The following DAZL variants were observed in gnomAD, a reference collection of about 807,000 sequenced individuals.
The protein encoded by DAZL is deleted in azoospermia like, also known as deleted in azoospermia-like.
DAZL carries 4 observed loss-of-function variants against 45.0 expected under a neutral mutation model. That is an observed-to-expected ratio of 0.09 (90% CI 0.04 to 0.20). The LOEUF is 0.20. DAZL is among the 10% of genes least tolerant of loss of function. The probability of loss-of-function intolerance (pLI) is 1.00; values close to 1 mark genes in which losing one functional copy is unlikely to be tolerated. For synonymous variants in DAZL, 122 were observed against 112.4 expected (o/e 1.09, Z -0.54); for missense variants, 326 against 351.3 (o/e 0.93, Z 0.58).
At chr3:16,594,872 TAC>T (rs1467690657) in intron 7 of DAZL, among the ~76,000 whole-genome samples, 1 of 152,078 alleles carries the variant, frequency 6.6e-6, no homozygotes, top group African/African-American at 2.4e-5. Flanking sequence ...GGGTCACAGA[TAC>T]AGTCATATCT....
intron 10 of DAZL, among the ~76,000 whole-genome samples, chr3:16,590,900 G>T (rs991549678): frequency 7.2e-5 from 11 of 151,954 alleles, no homozygotes; most frequent in Non-Finnish European, 1.5e-4. Flanking sequence ...GTAGGGGGGT[G>T]ATTTTTGGGG....
intron 10 of DAZL, among the ~76,000 whole-genome samples, chr3:16,590,669 A>G (rs1036190371): frequency 3.3e-5 from 5 of 152,258 alleles, no homozygotes; most frequent in African/African-American, 1.2e-4. Context: ...AGAATGAATA[A>G]TAGCCACAAA....
Position 16,592,122 on chromosome 3 carries a change from C to T in DAZL, c.762G>A (p.Thr254=), listed in dbSNP as rs757627037. The T allele has an allele frequency of 5.6e-6, 9 of 1,613,358 alleles. No individual in the cohort carries two copies. The highest frequency in any genetic ancestry group is 4.0e-5 in the African/African-American group (3 of 74,856). ...QKKSVDRSIQ[T]VVSCLFNPEN... is the part of the protein sequence containing the mutation. The stretch of plus-strand genomic sequence containing the variant: ...CTGGATTAAACAGACAAGATACCAC[C>T]GTTTGTATGCTTCGGTCCACAGATT... Residue 254 remains threonine, a synonymous_variant, in exon 10 of 11, where the codon ACG becomes ACA. Coordinates refer to ENST00000399444, the MANE Select transcript of DAZL (RefSeq NM_001351.4).
At chr3:16,602,390 A>G (rs1694704159) in intron 1 of DAZL, among the ~76,000 whole-genome samples, 1 of 152,234 alleles carries the variant, frequency 6.6e-6, no homozygotes, top group Non-Finnish European at 1.5e-5. Context: ...TTCAACTTGT[A>G]AAGAAATAGA....
rs201594625 is a variant in DAZL at position 16,605,232 on chromosome 3, C to A, written c.-27G>T. On this transcript the variant is annotated 5_prime_UTR_variant, in exon 1 of 11. Coordinates refer to ENST00000399444, the MANE Select transcript of DAZL (RefSeq NM_001351.4). ...ATGGCGGCAGGCAGCAGTTCCCGAC[C>A]GGCTCCAGGAGGAGCAGAGGCTGTG... The A allele has an allele frequency of 1.2e-6, 2 of 1,614,138 alleles. No individual in the cohort carries two copies. Among genetic ancestry groups the A allele is most frequent in the African/African-American group, 2.7e-5 (2 of 75,072 alleles).
intron 2 of DAZL, 24 bp from the exon 3 acceptor site, chr3:16,598,202 A>AGAG: frequency 6.4e-7 from 1 of 1,560,228 alleles, no homozygotes; most frequent in South Asian, 1.1e-5. Context: ...TTGAACTTCA[A>AGAG]GAGTAAAAAT....
chr3:16,594,648 G>T (rs1003649268), intron 7 of DAZL, 65 bp from the exon 8 acceptor site: 11 of 1,122,648 alleles, frequency 9.8e-6, no homozygotes, highest in Non-Finnish European at 1.3e-5. Flanking sequence ...AAAAACACAC[G>T]AGATACACAA....
intron 6 of DAZL, 114 bp from the exon 7 acceptor site, chr3:16,595,499 A>G (rs1282841735): frequency 3.3e-6 from 2 of 606,502 alleles, no homozygotes; most frequent in Non-Finnish European, 5.7e-6. Context: ...TTCTATATAC[A>G]ACAATGCAGA....
At chr3:16,595,235 C>T (rs1694579962) in intron 7 of DAZL, 79 bp downstream of exon 7, 4 of 813,350 alleles carry the variant, frequency 4.9e-6, no homozygotes, top group South Asian at 4.2e-5. Context: ...AATGACAAAC[C>T]ATTCAGACAA....
intron 7 of DAZL, among the ~76,000 whole-genome samples, chr3:16,594,784 T>C (rs561283877): frequency 8.5e-5 from 13 of 152,222 alleles, no homozygotes; most frequent in East Asian, 3.9e-4. Flanking sequence ...CTCACCTTTT[T>C]CCCAATTTTC....
intron 9 of DAZL, 35 bp from the exon 10 acceptor site, chr3:16,592,183 A>C: frequency 6.2e-7 from 1 of 1,605,232 alleles, no homozygotes; most frequent in South Asian, 1.1e-5. Context: ...TGTAAAGACG[A>C]CTCTTTCACT....
intron 1 of DAZL, among the ~76,000 whole-genome samples, chr3:16,600,612 A>G (rs1694676255): frequency 6.6e-6 from 1 of 152,222 alleles, no homozygotes; most frequent in African/African-American, 2.4e-5. Flanking sequence ...CAATTTACCA[A>G]TCCCTTCTCA....
intron 6 of DAZL, among the ~76,000 whole-genome samples, chr3:16,596,426 G>A (rs1438961185): frequency 1.3e-5 from 2 of 152,034 alleles, no homozygotes; most frequent in African/African-American, 2.4e-5. Context: ...TAACCTTAGA[G>A]AAGAATATAC....
chr3:16,591,948 A>T lies in DAZL; in HGVS notation c.834+102T>A, dbSNP rs1026914254. On this transcript the variant is annotated intron_variant, in intron 10 of 10. Coordinates refer to ENST00000399444, the MANE Select transcript of DAZL (RefSeq NM_001351.4). ...TATAGTCAAATGCCAACAGTTAATT[A>T]AATGCTCTAAGAAATCTCAAAATAC... The T allele has an allele frequency of 1.4e-5, 19 of 1,358,832 alleles. No individual in the cohort carries two copies. In the Admixed American group the frequency reaches 2.2e-4, roughly 16 times the overall value. 84.2% of individuals were successfully genotyped at this position (1,358,832 alleles called of 1,614,324 possible).
intron 1 of DAZL, among the ~76,000 whole-genome samples, chr3:16,603,650 A>G (rs1024050474): frequency 5.9e-5 from 9 of 152,132 alleles, no homozygotes; most frequent in African/African-American, 2.2e-4. Context: ...CCAGCCCATG[A>G]TAGTATTGTT....
intron 1 of DAZL, among the ~76,000 whole-genome samples, chr3:16,599,123 G>A (rs535430421): frequency 2.6e-5 from 4 of 151,886 alleles, no homozygotes; most frequent in African/African-American, 4.8e-5. Flanking sequence ...GCTCATTACC[G>A]AGTCTTGCAC....
Position 16,596,964 on chromosome 3 carries a change from A to G in DAZL, c.358+24T>C, listed in dbSNP as rs757993237. 3.7e-6 allele frequency: 6 copies of G among 1,613,220 alleles called. No homozygotes were observed. In the South Asian group the frequency reaches 5.5e-5, roughly 15 times the overall value. On this transcript the variant is annotated intron_variant, in intron 5 of 10. Transcript: ENST00000399444. ...TACACAATTTCTTTTATGTTTAAAAAGAACAATTTCTTTTTGTACTCACAT... is the reference window on the plus strand; with the variant it reads ...TACACAATTTCTTTTATGTTTAAAAGGAACAATTTCTTTTTGTACTCACAT...
rs1329633764 is a variant in DAZL at position 16,587,092 on chromosome 3, A to G, written c.*1568T>C. On this transcript the variant is annotated 3_prime_UTR_variant, in exon 11 of 11. Transcript: ENST00000399444. ...GTCAGAATGTTATAGCACCAAAAAA[A>G]CTACAGATCATTTTTAAATGGACAA... 6.6e-6 allele frequency: 1 copy of G among 152,176 alleles called. No homozygotes were observed. Among genetic ancestry groups the G allele is most frequent in the Non-Finnish European group, 1.5e-5 (1 of 68,016 alleles). The allele number at this position is 152,176 out of a possible 1,614,324, so 9.4% of individuals were successfully genotyped here.
At chr3:16,596,022 T>C (rs1559402840) in intron 6 of DAZL, among the ~76,000 whole-genome samples, 1 of 151,948 alleles carries the variant, frequency 6.6e-6, no homozygotes, top group Non-Finnish European at 1.5e-5. Context: ...TTCTAGCCAT[T>C]GTTCAGAGAA....
Sources: gnomAD v4.1 joint callset for allele counts (sites outside exome capture counted in the v4.1 genomes callset) on GRCh38, gnomAD v4.1.1 for gene constraint, MANE v1.5 for transcripts, NCBI Gene and HGNC (gene_info 2026-07-23, HGNC 2026-07-21) for gene names.